PFKFB3: variants seen among roughly 807,000 people sequenced by gnomAD.
The protein encoded by PFKFB3 is 6-phosphofructo-2-kinase/fructose-2,6-biphosphatase 3, also known as 6-phosphofructo-2-kinase/fructose-2,6-bisphosphatase 3.
A neutral mutation model predicts 68.0 loss-of-function variants in PFKFB3; 33 were observed. The ratio of observed to expected loss-of-function variants is 0.49; its 90% CI spans 0.37 to 0.65. The LOEUF is 0.65. PFKFB3 is among the 30% of genes least tolerant of loss of function. The probability of loss-of-function intolerance (pLI) is 0.00; values close to 1 mark genes in which losing one functional copy is unlikely to be tolerated. For synonymous variants in PFKFB3, 315 were observed against 288.2 expected (o/e 1.09, Z -0.94); for missense variants, 586 against 712.2 (o/e 0.82, Z 2.02).
intron 1 of PFKFB3, among the ~76,000 whole-genome samples, chr10:6,158,721 G>T (rs996149912): frequency 3.3e-5 from 5 of 151,992 alleles, no homozygotes; most frequent in African/African-American, 1.2e-4. Context: ...CAAAAAGTCA[G>T]CCAGGCATGA....
intron 1 of PFKFB3, among the ~76,000 whole-genome samples, chr10:6,186,225 G>A (rs1842865317): frequency 6.6e-6 from 1 of 152,074 alleles, no homozygotes; most frequent in African/African-American, 2.4e-5. Flanking sequence ...CATAGTTAGG[G>A]ATGCTTTTGG....
At chr10:6,237,384 T>C (rs1846038675), downstream of PFKFB3, among the ~76,000 whole-genome samples, 1 of 152,226 alleles carries the variant, frequency 6.6e-6, no homozygotes, top group Admixed American at 6.5e-5. Context: ...CCAGATGATG[T>C]GCTGGTGAAG....
In PFKFB3 at chr10:6,210,048, G is replaced by GGTGCGCCCCTCTCTTGTTCTGCA. The variant is rs1294381155; in HGVS notation, c.77-3574_77-3573insTGCGCCCCTCTCTTGTTCTGCAG. Among the ~76,000 whole-genome samples, 761 of 121,596 alleles carry GGTGCGCCCCTCTCTTGTTCTGCA rather than the reference G, an allele frequency of 6.3e-3. 63 individuals carry two copies. Among genetic ancestry groups the GGTGCGCCCCTCTCTTGTTCTGCA allele is most frequent in the Non-Finnish European group, 9.0e-3 (448 of 49,586 alleles). The allele number at this position is 121,596 out of a possible 152,430, so 79.8% of individuals were successfully genotyped here. A position where few individuals can be genotyped will look rare whatever the true frequency, so the allele number is the denominator to read the frequency against. ...ATTACAGGCGTGAGCCACCGTGCCCGGCCTAATACTTATCTTTTCTAATCA... is the reference window on the plus strand; with the variant it reads ...ATTACAGGCGTGAGCCACCGTGCCCGGTGCGCCCCTCTCTTGTTCTGCAGCCTAATACTTATCTTTTCTAATCA... On this transcript the variant is annotated intron_variant, in intron 1 of 14. Coordinates refer to ENST00000379775, the MANE Select transcript of PFKFB3 (RefSeq NM_004566.4).
chr10:6,230,876 CG>C (rs1564218622), intron 14 of PFKFB3, among the ~76,000 whole-genome samples: 3 of 152,098 alleles, frequency 2.0e-5, no homozygotes, highest in African/African-American at 7.2e-5. Flanking sequence ...CCACCATGCC[CG>C]GCTAATGTTT....
the PFKFB3 span, chr10:6,293,026 C>T: frequency 4.1e-3 from 1,322 of 321,716 alleles, 20 homozygotes; most frequent in African/African-American, 0.027. Flanking sequence ...GAAAGCCTCA[C>T]GTGCAGAATA....
intron 14 of PFKFB3, among the ~76,000 whole-genome samples, chr10:6,241,156 T>C (rs12244701): frequency 0.062 from 9,428 of 151,992 alleles, 499 homozygotes; most frequent in South Asian, 0.12. Flanking sequence ...CCACCCACCT[T>C]GGCCTCCCAA....
chr10:6,183,991 C>T (rs1048763008), intron 1 of PFKFB3, among the ~76,000 whole-genome samples: 1 of 151,660 alleles, frequency 6.6e-6, no homozygotes, highest in Non-Finnish European at 1.5e-5. Flanking sequence ...CGCCTGGCCT[C>T]AAAGCTGGAA....
At chr10:6,187,198 T>TAAC (rs1554844289) in intron 1 of PFKFB3, among the ~76,000 whole-genome samples, 1 of 142,068 alleles carries the variant, frequency 7.0e-6, no homozygotes, top group African/African-American at 2.6e-5. Context: ...CTGTTTCTAC[T>TAAC]AAAAAAAAAA....
Position 6,233,036 on chromosome 10 carries a change from C to T in PFKFB3, c.*94C>T, listed in dbSNP as rs1287734462. ...GCAAAACGTATCCTGAGGACTTCTT[C>T]CGGAGAGGGTGGGGTGGAGCAGCGG... On this transcript the variant is annotated 3_prime_UTR_variant, in exon 15 of 15. Coordinates refer to ENST00000379775, the MANE Select transcript of PFKFB3 (RefSeq NM_004566.4). The T allele has an allele frequency of 2.0e-6, 2 of 984,416 alleles. No individual in the cohort carries two copies. Among genetic ancestry groups the T allele is most frequent in the African/African-American group, 1.6e-5 (1 of 62,926 alleles). The allele number at this position is 984,416 out of a possible 1,614,324, so 61.0% of individuals were successfully genotyped here.
chr10:6,212,238 A>C (rs1375424218), intron 1 of PFKFB3, among the ~76,000 whole-genome samples: 1 of 152,224 alleles, frequency 6.6e-6, no homozygotes, highest in Non-Finnish European at 1.5e-5. Flanking sequence ...GCATGTCGGC[A>C]GGATGCGGGA....
exon 15 of PFKFB3, chr10:6,254,534 A>T: frequency 2.5e-6 from 1 of 395,896 alleles, no homozygotes. Context: ...CTTTACAATG[A>T]TGCAAGAGAG....
At chr10:6,201,720 A>C (rs917658926), upstream of PFKFB3, among the ~76,000 whole-genome samples, 1 of 152,140 alleles carries the variant, frequency 6.6e-6, no homozygotes, top group Non-Finnish European at 1.5e-5. This position sits in a 1 kb window ranked among gnomAD's most constrained non-coding sequence, Gnocchi z 4.1. Flanking sequence ...CCTTCCCTCC[A>C]ATCACAGCCC....
chr10:6,264,809 G>C, the PFKFB3 span, among the ~76,000 whole-genome samples: 1 of 151,868 alleles, frequency 6.6e-6, no homozygotes, highest in Non-Finnish European at 1.5e-5. Flanking sequence ...CATAAATCAG[G>C]CTCCTTTACT....
the PFKFB3 span, among the ~76,000 whole-genome samples, chr10:6,290,812 A>AT: frequency 1.3e-5 from 2 of 151,526 alleles, no homozygotes; most frequent in Non-Finnish European, 2.9e-5. Flanking sequence ...CCTGTCTTTG[A>AT]TTTTCTAGAT....
the PFKFB3 span, among the ~76,000 whole-genome samples, chr10:6,290,586 C>A: frequency 6.6e-6 from 1 of 151,178 alleles, no homozygotes; most frequent in Non-Finnish European, 1.5e-5. Flanking sequence ...ACAACCTCCA[C>A]CTCCTGGGTA....
the PFKFB3 span, among the ~76,000 whole-genome samples, chr10:6,276,055 C>T: frequency 7.9e-5 from 12 of 152,240 alleles, no homozygotes; most frequent in East Asian, 2.1e-3. Flanking sequence ...TGCGTAAAGA[C>T]AGAGTCTGTC....
At position 6,220,830 on chromosome 10, in the gene PFKFB3, G is replaced by A. The variant is rs34832528; in HGVS notation, c.796G>A (p.Gly266Arg). 1.3e-5 allele frequency: 21 copies of A among 1,613,070 alleles called. No individual in the cohort carries two copies. In the Admixed American group the frequency reaches 2.0e-4, roughly 15 times the overall value. Residue 266 changes from glycine to arginine, a missense_variant, in exon 8 of 15, where the codon GGG (glycine) becomes AGG (arginine). Physicochemically the swap from Gly to Arg is moderately radical, Grantham distance 125 (BLOSUM62 -2). Transcript: ENST00000379775. The surrounding 1 kb of genome is among the most constrained non-coding windows in gnomAD (Gnocchi z 4.1). The stretch of plus-strand genomic sequence containing the variant: ...CGAGCACAACCTCCAGGGCCGCATC[G>A]GGGGCGACTCAGGCCTGTCCAGCCG... ...ENEHNLQGRI[G>R]GDSGLSSRGK...
chr10:6,215,327 G>T lies in PFKFB3; in HGVS notation c.299+10G>T, dbSNP rs1844496026. The T allele has an allele frequency of 6.2e-7, 1 of 1,606,654 alleles. No homozygotes were observed. Among genetic ancestry groups the T allele is most frequent in the Non-Finnish European group, 8.5e-7 (1 of 1,173,630 alleles). ...CCATGAAAGTCCGGAAGTAAGGCTG[G>T]GCCGCGGGCGTAGGGCTGGGCTGTG... is the stretch of plus-strand genomic sequence containing the variant. On this transcript the variant is annotated intron_variant, in intron 3 of 14. Transcript: ENST00000379775. The surrounding 1 kb of genome is among the most constrained non-coding windows in gnomAD (Gnocchi z 4.3).
the PFKFB3 span, among the ~76,000 whole-genome samples, chr10:6,270,251 C>T: frequency 4.6e-5 from 7 of 152,144 alleles, no homozygotes; most frequent in African/African-American, 1.7e-4. Context: ...AGCTACGACC[C>T]GGAACCAGTT....
Sources: gnomAD v4.1 joint callset for allele counts (sites outside exome capture counted in the v4.1 genomes callset) on GRCh38, gnomAD v4.1.1 for gene constraint, Gnocchi (gnomAD v3.1) non-coding constraint, MANE v1.5 for transcripts, NCBI Gene and HGNC (gene_info 2026-07-23, HGNC 2026-07-21) for gene names.